NEDD9: variants seen among roughly 807,000 people sequenced by gnomAD.
NEDD9 encodes the protein neural precursor cell expressed, developmentally down-regulated 9, also known as enhancer of filamentation 1.
In NEDD9, 26 loss-of-function variants were observed where a neutral mutation model predicts 76.6. The observed-to-expected ratio is 0.34, with a 90% CI of 0.25 to 0.47. The LOEUF (loss-of-function observed/expected upper bound fraction) is 0.47. NEDD9 is among the 20% of genes least tolerant of loss of function. The pLI, the probability that NEDD9 is intolerant of heterozygous loss-of-function variation, is 1.00. For synonymous variants in NEDD9, 392 were observed against 414.2 expected (o/e 0.95, Z 0.65); for missense variants, 937 against 1,058.5 (o/e 0.89, Z 1.59).
intron 3 of NEDD9, among the ~76,000 whole-genome samples, chr6:11,289,286 C>T (rs1010319116): frequency 1.3e-5 from 2 of 152,140 alleles, no homozygotes; most frequent in African/African-American, 4.8e-5. Flanking sequence ...CCTGTAAAAT[C>T]TAGGAAGTGT....
intron 3 of NEDD9, among the ~76,000 whole-genome samples, chr6:11,303,709 A>G (rs912723124): frequency 6.6e-6 from 1 of 152,222 alleles, no homozygotes; most frequent in African/African-American, 2.4e-5. Context: ...AGCAATATTG[A>G]AAGGGTTCCC....
intron 1 of NEDD9, among the ~76,000 whole-genome samples, chr6:11,363,179 A>G (rs1334195575): frequency 6.6e-6 from 1 of 152,220 alleles, no homozygotes; most frequent in Non-Finnish European, 1.5e-5. Context: ...ACAGCTAGCT[A>G]TTGGACACTC....
At chr6:11,201,084 T>C (rs752557553) in intron 2 of NEDD9, 2 of 1,613,086 alleles carry the variant, frequency 1.2e-6, no homozygotes. Context: ...CAAGTTCTGC[T>C]CACATTGTGT....
intron 1 of NEDD9, among the ~76,000 whole-genome samples, chr6:11,344,154 C>T (rs1762322519): frequency 6.6e-6 from 1 of 152,150 alleles, no homozygotes; most frequent in South Asian, 2.1e-4. Flanking sequence ...GGGCTCATGA[C>T]ACTTGGGTTG....
intron 3 of NEDD9, chr6:11,271,658 T>G (rs1760310834): frequency 6.6e-6 from 1 of 152,228 alleles, no homozygotes; most frequent in Non-Finnish European, 1.5e-5. Context: ...GCATTAAGTT[T>G]ACCCCATACT....
At position 11,294,181 on chromosome 6, in the gene NEDD9, G is replaced by A. The variant is rs565871173; in HGVS notation, c.12+11811C>T. On this transcript the variant is annotated intron_variant, in intron 3 of 3. Transcript: ENST00000397378. ...TTGAGGTACTGATTTCATTTCCTTT[G>A]GATATATACCCAGAAGTGGAGTTAC... Among the ~76,000 whole-genome samples the A allele has an allele frequency of 1.5e-4, 23 of 152,134 alleles. No individual in the cohort carries two copies. In the South Asian group the frequency reaches 3.7e-3, roughly 25 times the overall value.
chr6:11,320,900 T>C (rs1158687745), intron 2 of NEDD9, among the ~76,000 whole-genome samples: 1 of 151,984 alleles, frequency 6.6e-6, no homozygotes, highest in Non-Finnish European at 1.5e-5. Context: ...ACCAATGGTT[T>C]ACTTGTGTGT....
At chr6:11,204,742 G>A (rs367843338) in intron 2 of NEDD9, among the ~76,000 whole-genome samples, 275 of 113,900 alleles carry the variant, frequency 2.4e-3, no homozygotes, top group East Asian at 6.8e-3. Flanking sequence ...AAAAAAGAAA[G>A]AAAGAAAGAA....
intron 6 of NEDD9, among the ~76,000 whole-genome samples, chr6:11,187,357 G>A (rs556150464): frequency 3.0e-4 from 46 of 152,180 alleles, no homozygotes; most frequent in Middle Eastern, 3.4e-3. Flanking sequence ...AGCAATAGTC[G>A]TCATTATCTC....
At chr6:11,305,411 G>T in intron 3 of NEDD9, 1 of 244,542 alleles carries the variant, frequency 4.1e-6, no homozygotes, top group Non-Finnish European at 8.2e-6. Flanking sequence ...TATGCCATGC[G>T]ATGATGCCTG....
At chr6:11,311,632 T>C (rs1393963724) in intron 2 of NEDD9, among the ~76,000 whole-genome samples, 4 of 152,182 alleles carry the variant, frequency 2.6e-5, no homozygotes, top group East Asian at 1.9e-4. Context: ...GAGATGTTTG[T>C]GAATATTAAA....
At chr6:11,232,701 G>C (rs1274339033), upstream of NEDD9, 2 of 1,444,756 alleles carry the variant, frequency 1.4e-6, no homozygotes, top group Non-Finnish European at 1.8e-6. Flanking sequence ...CAGGCTGATC[G>C]CGGACCTCAT....
chr6:11,238,399 C>T (rs890337271), intron 3 of NEDD9, among the ~76,000 whole-genome samples: 10 of 152,206 alleles, frequency 6.6e-5, no homozygotes, highest in Admixed American at 1.3e-4. Context: ...TAATGCACTT[C>T]GTTATCTGAG....
At chr6:11,192,986 C>T (rs1429033796) in intron 3 of NEDD9, among the ~76,000 whole-genome samples, 1 of 133,812 alleles carries the variant, frequency 7.5e-6, no homozygotes, top group African/African-American at 2.7e-5. Context: ...TCTACGCTGT[C>T]TGTACTTTAA....
intron 3 of NEDD9, among the ~76,000 whole-genome samples, chr6:11,249,862 T>G (rs898292712): frequency 6.6e-6 from 1 of 152,216 alleles, no homozygotes; most frequent in African/African-American, 2.4e-5. Context: ...TCGCGTGGGC[T>G]TCCTTCTGGC....
chr6:11,326,979 T>C (rs1377788831), intron 2 of NEDD9, among the ~76,000 whole-genome samples: 1 of 152,166 alleles, frequency 6.6e-6, no homozygotes, highest in Non-Finnish European at 1.5e-5. Flanking sequence ...AAGGGATGAA[T>C]TGGCAGTTGG....
chr6:11,266,462 C>T (rs1760204490), intron 3 of NEDD9, among the ~76,000 whole-genome samples: 1 of 151,998 alleles, frequency 6.6e-6, no homozygotes, highest in South Asian at 2.1e-4. Context: ...GAAACCCTGC[C>T]CCAAACTCTG....
rs754408941 is a variant in NEDD9 at position 11,192,416 on chromosome 6, C to T, written c.592G>A (p.Gly198Ser). The T allele has an allele frequency of 1.2e-6, 2 of 1,610,718 alleles. No individual in the cohort carries two copies. Among genetic ancestry groups the T allele is most frequent in the Admixed American group, 3.4e-5 (2 of 59,168 alleles). The change falls in exon 4 of 7, where the codon GGC (glycine) becomes AGC (serine). Residue 198 changes from glycine to serine, a missense_variant. Physicochemically the swap from Gly to Ser is moderately conservative, Grantham distance 56. Transcript: ENST00000379446. ...CCCACTGGAACTGAAAACACAGGGC[C>T]TTTTGCTGATGAGGGAGGGATGTCG... ...VYDIPPSSAK[G>S]PVFSVPVGEI...
chr6:11,250,136 G>GGGAGGGAGAGAGACGTTGAGACTAGA (rs1759888305), intron 3 of NEDD9, among the ~76,000 whole-genome samples: 2 of 152,228 alleles, frequency 1.3e-5, no homozygotes, highest in African/African-American at 2.4e-5. Flanking sequence ...TCCAGAAAGA[G>GGGAGGGAGAGAGACGTTGAGACTAGA]GGAGGGAGAG....
Sources: allele counts gnomAD v4.1 joint callset (sites outside exome capture counted in the v4.1 genomes callset), GRCh38; gene constraint gnomAD v4.1.1; transcripts MANE v1.5; gene names NCBI Gene and HGNC (gene_info 2026-07-23, HGNC 2026-07-21).